CCDC191: variants seen among roughly 807,000 people sequenced by gnomAD.
The protein encoded by CCDC191 is coiled-coil domain-containing protein 191.
A neutral mutation model predicts 114.0 loss-of-function variants in CCDC191; 99 were observed. The ratio of observed to expected loss-of-function variants is 0.87; its 90% CI spans 0.74 to 1.03. The LOEUF is 1.03. Among genes scored for constraint, CCDC191 ranks in the 50% least tolerant of loss-of-function variants. CCDC191 has a pLI of 0.00. For synonymous variants in CCDC191, 351 were observed against 376.0 expected, an observed-to-expected ratio of 0.93 and a Z score of 0.77; for missense variants, 973 against 1,087.0, an observed-to-expected ratio of 0.90 and a Z score of 1.47.
intron 7 of CCDC191, among the ~76,000 whole-genome samples, chr3:114,027,130 C>T (rs2076331360): frequency 6.6e-6 from 1 of 152,124 alleles, no homozygotes; most frequent in Non-Finnish European, 1.5e-5. Flanking sequence ...ATGGGATAGG[C>T]TGGAAGTAGA....
intron 2 of CCDC191, among the ~76,000 whole-genome samples, chr3:114,048,980 C>T (rs952464540): frequency 6.6e-6 from 1 of 152,214 alleles, no homozygotes; most frequent in Non-Finnish European, 1.5e-5. Flanking sequence ...TTCCTCCTGC[C>T]CTTTATGGAA....
intron 7 of CCDC191, 132 bp from the exon 8 acceptor site, chr3:114,019,000 AAAGG>A (rs2076206659): frequency 6.5e-6 from 5 of 770,384 alleles, no homozygotes; most frequent in Non-Finnish European, 1.1e-5. Context: ...GTCTTAATGG[AAAGG>A]AAGAGACAAA....
intron 7 of CCDC191, among the ~76,000 whole-genome samples, chr3:114,029,987 G>A (rs1241432198): frequency 6.6e-6 from 1 of 152,038 alleles, no homozygotes; most frequent in African/African-American, 2.4e-5. Context: ...GAACACTAGT[G>A]GAAAAACTGG....
At chr3:114,003,187 C>T (rs1220159044) in intron 11 of CCDC191, 1 of 985,184 alleles carries the variant, frequency 1.0e-6, no homozygotes, top group Non-Finnish European at 1.2e-6. Context: ...CCAAAAGAAA[C>T]AAATGTGCAA....
Position 113,978,238 on chromosome 3 carries a change from C to G in CCDC191, c.2554G>C (p.Val852Leu). 6.2e-7 allele frequency: 1 copy of G among 1,614,052 alleles called. No homozygotes were observed. Among genetic ancestry groups the G allele is most frequent in the Non-Finnish European group, 8.5e-7 (1 of 1,179,950 alleles). Reference protein sequence around the residue: ...FRAWFNMVREVKIDSQGKHEI... With the variant: ...FRAWFNMVRELKIDSQGKHEI... ...TGCTTGCCCTGAGAATCGATCTTCA[C>G]CTCCCTGACCATGTTAAACCAGGCC... is the stretch of plus-strand genomic sequence containing the variant. The change falls in exon 16 of 17, where the codon GTG (valine) becomes CTG (leucine). Residue 852 changes from valine (V) to leucine (L), a missense_variant. Val to Leu is a conservative substitution (Grantham distance 32). Coordinates refer to ENST00000295878, the MANE Select transcript of CCDC191 (RefSeq NM_020817.2).
intron 16 of CCDC191, among the ~76,000 whole-genome samples, chr3:113,975,109 T>C (rs16861435): frequency 0.036 from 5,481 of 152,232 alleles, 344 homozygotes; most frequent in African/African-American, 0.13. Context: ...GGTGTAGGTC[T>C]GTGACTTTCA....
chr3:114,025,463 C>A (rs955008842), intron 7 of CCDC191, among the ~76,000 whole-genome samples: 1 of 152,036 alleles, frequency 6.6e-6, no homozygotes, highest in Admixed American at 6.6e-5. Flanking sequence ...AATATGTACC[C>A]CTTACATAAG....
At chr3:114,023,249 A>G (rs2076269893) in intron 7 of CCDC191, among the ~76,000 whole-genome samples, 2 of 152,246 alleles carry the variant, frequency 1.3e-5, no homozygotes, top group African/African-American at 2.4e-5. Context: ...ATGGGTAGGA[A>G]GAATCAATAT....
chr3:114,047,891 C>T (rs1340412301), intron 2 of CCDC191, among the ~76,000 whole-genome samples: 1 of 152,102 alleles, frequency 6.6e-6, no homozygotes, highest in Non-Finnish European at 1.5e-5. Flanking sequence ...ATGAGAATCA[C>T]TTGAACCCGG....
chr3:114,003,918 T>A lies in CCDC191; in HGVS notation c.1978+719A>T, dbSNP rs529762949. On this transcript the variant is annotated intron_variant, in intron 11 of 16. Coordinates refer to ENST00000295878, the MANE Select transcript of CCDC191 (RefSeq NM_020817.2). ...GGACTAAGCATATAGTAAAAACAAT[T>A]AGCAGATTCACTAGGTGGGTTCTGA... The A allele has an allele frequency of 2.3e-5, 23 of 985,374 alleles. No homozygotes were observed. In the East Asian group the frequency reaches 1.1e-3, roughly 49 times the overall value. The allele number at this position is 985,374 out of a possible 1,614,324, so 61.0% of individuals were successfully genotyped here.
chr3:113,969,113 A>G (rs912575910), intron 16 of CCDC191, among the ~76,000 whole-genome samples: 2 of 152,206 alleles, frequency 1.3e-5, no homozygotes, highest in African/African-American at 4.8e-5. Flanking sequence ...TAATAGAGTG[A>G]GAATGCACTC....
At chr3:114,012,615 T>C (rs1225347277) in intron 8 of CCDC191, among the ~76,000 whole-genome samples, 1 of 152,148 alleles carries the variant, frequency 6.6e-6, no homozygotes, top group Non-Finnish European at 1.5e-5. Context: ...AAAAAAACCC[T>C]GTAACACTTT....
intron 13 of CCDC191, among the ~76,000 whole-genome samples, chr3:113,986,681 T>C (rs1241709418): frequency 1.3e-5 from 2 of 152,180 alleles, no homozygotes; most frequent in Admixed American, 6.5e-5. Flanking sequence ...TATTTGAACA[T>C]AGGGCCACTA....
chr3:113,988,824 C>T (rs112553762), intron 13 of CCDC191, among the ~76,000 whole-genome samples: 10,780 of 151,468 alleles, frequency 0.071, 430 homozygotes, highest in Middle Eastern at 0.11. Flanking sequence ...GACAGAGTCT[C>T]GCTCTGTCAC....
intron 11 of CCDC191, chr3:114,002,831 A>T (rs1026325157): frequency 1.0e-6 from 1 of 957,438 alleles, no homozygotes; most frequent in African/African-American, 1.8e-5. Flanking sequence ...CCTTGATGAT[A>T]CTTTTAGTAT....
At chr3:114,028,326 C>T (rs1000234273) in intron 7 of CCDC191, among the ~76,000 whole-genome samples, 26 of 147,382 alleles carry the variant, frequency 1.8e-4, no homozygotes, top group Non-Finnish European at 3.3e-4. Flanking sequence ...CGCTCTGTCG[C>T]CCAGGCTGGA....
At chr3:114,011,775 G>A (rs2076074303) in intron 8 of CCDC191, among the ~76,000 whole-genome samples, 1 of 152,226 alleles carries the variant, frequency 6.6e-6, no homozygotes, top group Non-Finnish European at 1.5e-5. Context: ...AGGTTGGGAT[G>A]TGGTGTTACT....
At position 114,018,808 on chromosome 3, in the gene CCDC191, C is replaced by A; in HGVS notation, c.1033G>T (p.Gly345Trp). The part of the protein sequence containing the change: ...KLILDHRIKL[G>W]KAGTLSDWKI... ...CAGTCAGACAGGGTCCCAGCTTTCC[C>A]CAGCTTAATCCTATGATCAAGAATC... Residue 345 changes from glycine (G) to tryptophan (W), a missense_variant, in exon 8 of 17, where the codon GGG (glycine) becomes TGG (tryptophan). Coordinates refer to ENST00000295878, the MANE Select transcript of CCDC191 (RefSeq NM_020817.2). 6.2e-7 allele frequency: 1 copy of A among 1,613,870 alleles called. No individual in the cohort carries two copies. The highest frequency in any genetic ancestry group is 8.5e-7 in the Non-Finnish European group (1 of 1,179,850).
Position 113,996,117 on chromosome 3 carries a change from C to G in CCDC191, c.2163+5478G>C, listed in dbSNP as rs969289242. ...TAGTTTCTTTTGCTGTGCAGAAGCT[C>G]TTTAGTTTAATTAGATCCCATTTGT... On this transcript the variant is annotated intron_variant, in intron 13 of 16. Transcript: ENST00000295878. Among the ~76,000 whole-genome samples the G allele has an allele frequency of 5.7e-4, 87 of 152,276 alleles. 1 individual carries two copies. The highest frequency in any genetic ancestry group is 2.0e-3 in the African/African-American group (84 of 41,554).
Sources: allele counts gnomAD v4.1 joint callset (sites outside exome capture counted in the v4.1 genomes callset), GRCh38; gene constraint gnomAD v4.1.1; transcripts MANE v1.5; gene names NCBI Gene and HGNC (gene_info 2026-07-23, HGNC 2026-07-21).